Variants in KIF17 observed in about 807,000 individuals in gnomAD.
KIF17 encodes the protein kinesin-like protein KIF17.
In KIF17, 80 loss-of-function variants were observed where a neutral mutation model predicts 96.8. The observed-to-expected ratio is 0.83, with a 90% confidence interval of 0.69 to 1.00. The LOEUF (loss-of-function observed/expected upper bound fraction) is 1.00. KIF17 is among the 50% of genes least tolerant of loss of function. The pLI is 0.00. For synonymous variants in KIF17, 567 were observed against 587.5 expected (o/e 0.97, Z 0.51); for missense variants, 1,280 against 1,372.9 (o/e 0.93, Z 1.07).
chr1:20,706,888 C>A (rs77232511), intron 4 of KIF17, among the ~76,000 whole-genome samples: 7 of 144,776 alleles, frequency 4.8e-5, no homozygotes, highest in Admixed American at 1.4e-4. Context: ...AATCCTGTCT[C>A]AAAAAAAAAA....
chr1:20,687,416 T>C lies in KIF17; in HGVS notation c.1910A>G (p.Gln637Arg), dbSNP rs756670874. 1 of 1,613,662 alleles carries C rather than the reference T, an allele frequency of 6.2e-7. No homozygotes were observed. The highest frequency in any genetic ancestry group is 8.5e-7 in the Non-Finnish European group (1 of 1,180,020). ...SSTVARTDAP[Q>R]ADVPKVPVQV... ...CACAGGGACCTTGGGGACGTCTGCC[T>C]GGGGTGCATCTGTCCTGGCCACGGT... is the stretch of plus-strand genomic sequence containing the variant. Residue 637 changes from glutamine (Q) to arginine (R), a missense_variant, in exon 8 of 15, where the codon CAG becomes CGG. Transcript: ENST00000400463. The surrounding 1 kb of genome is among the most constrained non-coding windows in gnomAD (Gnocchi z 4.4).
In KIF17 at chr1:20,682,884, A is replaced by ACGGGCCAGCAC; in HGVS notation, c.2232-1_2232insGTGCTGGCCCG (p.Leu745CysfsTer23). 1 of 1,609,048 alleles carries ACGGGCCAGCAC rather than the reference A, an allele frequency of 6.2e-7. No individual in the cohort carries two copies. The highest frequency in any genetic ancestry group is 8.5e-7 in the Non-Finnish European group (1 of 1,179,118). On this transcript the variant is annotated frameshift_variant and splice_region_variant. Coordinates refer to ENST00000400463, the MANE Select transcript of KIF17 (RefSeq NM_001122819.3). LOFTEE classifies it high-confidence loss of function. ...CAACCTGCTGCTCCAACAGCTGCAG[A>ACGGGCCAGCAC]CTGCCGGCGTGGAGGAGAAAGCAAA...
At chr1:20,690,061 A>G (rs1407578708) in intron 7 of KIF17, 127 bp downstream of exon 7, 2 of 990,002 alleles carry the variant, frequency 2.0e-6, no homozygotes, top group East Asian at 2.6e-5. Context: ...ACCTTACTGG[A>G]CCATTGTGAG....
chr1:20,672,195 A>C lies in KIF17; in HGVS notation c.2465T>G (p.Leu822Arg). Residue 822 changes from leucine to arginine, a missense_variant and splice_region_variant, in exon 12 of 15, where the codon CTT (leucine) becomes CGT (arginine). Coordinates refer to ENST00000400463, the MANE Select transcript of KIF17 (RefSeq NM_001122819.3). This position sits in a 1 kb window ranked among gnomAD's most constrained non-coding sequence, Gnocchi z 4.3. ...TTTGATCTCCACCTCTGCTGCCCGAAGCTGAAAGCAAAGGATGACAAGCAG... is the reference window on the plus strand; with the variant it reads ...TTTGATCTCCACCTCTGCTGCCCGACGCTGAAAGCAAAGGATGACAAGCAG... Reference protein sequence around the residue: ...SKLLEKMQRKLRAAEVEIKDL... With the variant: ...SKLLEKMQRKRRAAEVEIKDL... 1 of 1,614,072 alleles carries C rather than the reference A, an allele frequency of 6.2e-7. No individual in the cohort carries two copies. Among genetic ancestry groups the C allele is most frequent in the Non-Finnish European group, 8.5e-7 (1 of 1,180,008 alleles).
chr1:20,685,305 A>C lies in KIF17; in HGVS notation c.2020-285T>G. 1 of 611,478 alleles carries C rather than the reference A, an allele frequency of 1.6e-6. No individual in the cohort carries two copies. The highest frequency in any genetic ancestry group is 3.1e-6 in the Non-Finnish European group (1 of 326,482). 37.9% of individuals were successfully genotyped at this position (611,478 alleles called of 1,614,324 possible). On this transcript the variant is annotated intron_variant, in intron 9 of 14. Transcript: ENST00000400463. This position sits in a 1 kb window ranked among gnomAD's most constrained non-coding sequence, Gnocchi z 4.1. The stretch of plus-strand genomic sequence containing the variant: ...CAGGGCCATCTTAAAATAGAAACCG[A>C]TCACATCCCGTTCCCGATGAGCCCC...
intron 11 of KIF17, among the ~76,000 whole-genome samples, chr1:20,676,176 C>T (rs771474863): frequency 7.2e-5 from 11 of 151,862 alleles, no homozygotes; most frequent in Non-Finnish European, 1.3e-4. Flanking sequence ...GTAAAAAAGA[C>T]GAAACCATAG....
At chr1:20,712,675 ATAT>A (rs1386580389) in intron 3 of KIF17, among the ~76,000 whole-genome samples, 4 of 60,224 alleles carry the variant, frequency 6.6e-5, no homozygotes, top group Middle Eastern at 6.3e-3. Flanking sequence ...AATATAGATA[ATAT>A]TATCTATATA....
In KIF17 at chr1:20,670,437, T is replaced by C; in HGVS notation, c.2774A>G (p.Asn925Ser). Residue 925 changes from asparagine to serine, a missense_variant, in exon 13 of 15, where the codon AAT becomes AGT. Transcript: ENST00000400463. ...KPARKTSAAD[N>S]GEPNMEDDRY... ...GGTCCTCACCATGTTCGGCTCGCCA[T>C]TGTCTGCTGCAGAGGTTTTGCGGGC... 1 of 1,613,974 alleles carries C rather than the reference T, an allele frequency of 6.2e-7. No homozygotes were observed. Among genetic ancestry groups the C allele is most frequent in the East Asian group, 2.2e-5 (1 of 44,892 alleles).
intron 11 of KIF17, among the ~76,000 whole-genome samples, chr1:20,674,575 CT>C (rs34777403): frequency 1.5e-3 from 209 of 142,224 alleles, no homozygotes; most frequent in East Asian, 2.5e-3. Context: ...ATTTATCCCT[CT>C]TTTTTTTTTT....
intron 3 of KIF17, among the ~76,000 whole-genome samples, chr1:20,710,769 G>A (rs2054421631): frequency 6.6e-6 from 1 of 152,180 alleles, no homozygotes; most frequent in South Asian, 2.1e-4. Flanking sequence ...ATCTGCTGAA[G>A]CGTGGAGAAA....
At position 20,712,590 on chromosome 1, in the gene KIF17, A is replaced by AATATAGATAATAT. The variant is rs2054461809; in HGVS notation, c.480+863_480+864insATATTATCTATAT. On this transcript the variant is annotated intron_variant, in intron 3 of 14. Transcript: ENST00000400463. ...TATATAGATAATATTATCTATATATATATCTATATATATCTATATATATAT... is the reference window on the plus strand; with the variant it reads ...TATATAGATAATATTATCTATATATAATATAGATAATATTATCTATATATATCTATATATATAT... Among the ~76,000 whole-genome samples, 42 of 19,434 alleles carry AATATAGATAATAT rather than the reference A, an allele frequency of 2.2e-3. 1 individual carries two copies. The highest frequency in any genetic ancestry group is 4.5e-3 in the Non-Finnish European group (30 of 6,638). 12.7% of individuals were successfully genotyped at this position (19,434 alleles called of 152,430 possible).
At chr1:20,670,279 A>G in intron 13 of KIF17, 142 bp downstream of exon 13, 5 of 796,420 alleles carry the variant, frequency 6.3e-6, no homozygotes, top group Non-Finnish European at 1.1e-5. Context: ...GGGCATGAAA[A>G]GGATCCAGCC....
At chr1:20,691,624 ATTTT>A (rs72410884) in intron 6 of KIF17, among the ~76,000 whole-genome samples, 4 of 123,056 alleles carry the variant, frequency 3.3e-5, no homozygotes, top group South Asian at 5.8e-4. Flanking sequence ...ACGTCTGGCT[ATTTT>A]TTTTTTTTTT....
In KIF17 at chr1:20,664,512, G is replaced by A. The variant is rs2053489805; in HGVS notation, c.*72C>T. On this transcript the variant is annotated 3_prime_UTR_variant, in exon 15 of 15. Coordinates refer to ENST00000400463, the MANE Select transcript of KIF17 (RefSeq NM_001122819.3). The stretch of plus-strand genomic sequence containing the variant: ...CTGTGTGGCAGGTGGGAGGAGACCT[G>A]GTTGGGGCTGCCCTGGGAGGGCCTG... 1.2e-6 allele frequency: 2 copies of A among 1,611,926 alleles called. No homozygotes were observed. The highest frequency in any genetic ancestry group is 1.3e-5 in the African/African-American group (1 of 74,902).
chr1:20,700,990 G>A lies in KIF17; in HGVS notation c.1124-2502C>T, dbSNP rs894555022. On this transcript the variant is annotated intron_variant, in intron 5 of 14. Transcript: ENST00000400463. The surrounding 1 kb of genome is among the most constrained non-coding windows in gnomAD (Gnocchi z 4.6). ...GGAAGCCCAGTAAAGGCTGTGGCCC[G>A]GGCCCCCACTCCCTTCTCCCTCCAG... Among the ~76,000 whole-genome samples, 22 of 152,246 alleles carry A rather than the reference G, an allele frequency of 1.4e-4. No homozygotes were observed. The highest frequency in any genetic ancestry group is 5.3e-4 in the African/African-American group (22 of 41,544).
chr1:20,690,349 AG>A lies in KIF17; in HGVS notation c.1234-15del. 1.6e-5 allele frequency: 4 copies of A among 256,324 alleles called. No individual in the cohort carries two copies. Among genetic ancestry groups the A allele is most frequent in the Non-Finnish European group, 2.1e-5 (3 of 143,402 alleles). The allele number at this position is 256,324 out of a possible 1,614,324, so 15.9% of individuals were successfully genotyped here. A position where few individuals can be genotyped will look rare whatever the true frequency, so the allele number is the denominator to read the frequency against. On this transcript the variant is annotated splice_polypyrimidine_tract_variant and intron_variant, in intron 6 of 14. Coordinates refer to ENST00000400463, the MANE Select transcript of KIF17 (RefSeq NM_001122819.3). ...CTCTTCATACTCCTGGGGGGGTGGG[AG>A]GGACCAGAGGGCAGGCAGCATTTTA...
chr1:20,709,643 G>A lies in KIF17; in HGVS notation c.666C>T (p.Ala222=), dbSNP rs754565917. Residue 222 remains alanine, a synonymous_variant, in exon 4 of 15, where the codon GCC becomes GCT. Coordinates refer to ENST00000400463, the MANE Select transcript of KIF17 (RefSeq NM_001122819.3). The surrounding 1 kb of genome is among the most constrained non-coding windows in gnomAD (Gnocchi z 4.7). ...SIFTISIEMS[A]VDERGKDHLR... is the part of the protein sequence containing the mutation. The stretch of plus-strand genomic sequence containing the variant: ...CCCAACAATGGCCTCGCATACCCAC[G>A]GCAGACATCTCGATGCTGATGGTGA... 20 of 1,613,824 alleles carry A rather than the reference G, an allele frequency of 1.2e-5. No homozygotes were observed. Among genetic ancestry groups the A allele is most frequent in the Non-Finnish European group, 1.5e-5 (18 of 1,180,008 alleles).
chr1:20,683,013 A>G, intron 10 of KIF17, 129 bp from the exon 11 acceptor site: 1 of 758,746 alleles, frequency 1.3e-6, no homozygotes, highest in Non-Finnish European at 2.2e-6. Flanking sequence ...CAGGGAGGGA[A>G]ACCGAGGCTC....
In KIF17 at chr1:20,713,439, T is replaced by C; in HGVS notation, c.480+15A>G. 2 of 1,601,068 alleles carry C rather than the reference T, an allele frequency of 1.2e-6. No individual in the cohort carries two copies. Among genetic ancestry groups the C allele is most frequent in the Non-Finnish European group, 1.7e-6 (2 of 1,169,500 alleles). ...CCCTACCAGCCCCACCTGCCCACAA[T>C]GGGTCTGCACCCACCTCCAGCTTCT... On this transcript the variant is annotated intron_variant, in intron 3 of 14. Coordinates refer to ENST00000400463, the MANE Select transcript of KIF17 (RefSeq NM_001122819.3).
Sources: allele counts gnomAD v4.1 joint callset (sites outside exome capture counted in the v4.1 genomes callset), GRCh38; gene constraint gnomAD v4.1.1; non-coding constraint Gnocchi (gnomAD v3.1); transcripts MANE v1.5; gene names NCBI Gene and HGNC (gene_info 2026-07-23, HGNC 2026-07-21).